The following DOCK8 variants were observed in gnomAD, a reference collection of about 807,000 sequenced individuals.
DOCK8 encodes the protein dedicator of cytokinesis protein 8.
A neutral mutation model predicts 245.6 loss-of-function variants in DOCK8; 141 were observed. The observed-to-expected ratio is 0.57, with a 90% CI of 0.50 to 0.66. DOCK8 has a LOEUF of 0.66. Among genes scored for constraint, DOCK8 ranks in the 30% least tolerant of loss-of-function variants. DOCK8 has a pLI of 0.00. For synonymous variants in DOCK8, 1,168 were observed against 970.2 expected, an observed-to-expected ratio of 1.20 and a Z score of -3.79; for missense variants, 2,965 against 2,603.4, an observed-to-expected ratio of 1.14 and a Z score of -3.02.
At chr9:425,698 A>G (rs2056470806) in intron 33 of DOCK8, among the ~76,000 whole-genome samples, 1 of 150,222 alleles carries the variant, frequency 6.7e-6, no homozygotes, top group Non-Finnish European at 1.5e-5. Context: ...TCGAGGCTTC[A>G]GTGAGCTATG....
intron 9 of DOCK8, among the ~76,000 whole-genome samples, chr9:329,692 G>C (rs2050921084): frequency 6.6e-6 from 1 of 152,200 alleles, no homozygotes; most frequent in Admixed American, 6.5e-5. Flanking sequence ...AACTGAAGAA[G>C]CCAACACTAG....
intron 36 of DOCK8, 24 bp downstream of exon 36, chr9:429,878 G>T: frequency 6.2e-7 from 1 of 1,613,382 alleles, no homozygotes. Context: ...CCAGCTGAGT[G>T]ACCTGGAATC....
chr9:244,697 T>G lies in DOCK8; in HGVS notation c.54-26930T>G, dbSNP rs551778299. On this transcript the variant is annotated intron_variant, in intron 1 of 47. Transcript: ENST00000432829. ...GAATGTGGCCAAACCTATTCAGGTC[T>G]GCATGGTTCCTCCCTAGAGTTCCAT... 6.1e-4 allele frequency among the ~76,000 whole-genome samples: 93 copies of G among 152,320 alleles called. 1 individual carries two copies. The highest frequency in any genetic ancestry group is 1.1e-3 in the Non-Finnish European group (73 of 68,044).
chr9:331,574 A>C (rs1336226993), intron 9 of DOCK8, among the ~76,000 whole-genome samples: 1 of 152,250 alleles, frequency 6.6e-6, no homozygotes, highest in Admixed American at 6.5e-5. Flanking sequence ...TGATGGGACT[A>C]AATCCACTGG....
upstream of DOCK8, chr9:214,736 C>G: frequency 6.6e-7 from 1 of 1,520,534 alleles, no homozygotes; most frequent in Non-Finnish European, 8.8e-7. Context: ...GGCCCACGCC[C>G]TCCTCGCCCG....
intron 7 of DOCK8, among the ~76,000 whole-genome samples, chr9:323,594 C>T (rs2050621506): frequency 6.6e-6 from 1 of 152,166 alleles, no homozygotes; most frequent in South Asian, 2.1e-4. Flanking sequence ...GCAACCATCA[C>T]CACCATCCAT....
At chr9:313,252 AAAG>A (rs1378419049) in intron 6 of DOCK8, among the ~76,000 whole-genome samples, 1 of 152,234 alleles carries the variant, frequency 6.6e-6, no homozygotes, top group African/African-American at 2.4e-5. Flanking sequence ...ATCTTCCGAG[AAAG>A]AAGAAGCACG....
chr9:242,068 G>A (rs1481782268), intron 1 of DOCK8, among the ~76,000 whole-genome samples: 1 of 152,176 alleles, frequency 6.6e-6, no homozygotes, highest in Non-Finnish European at 1.5e-5. Flanking sequence ...TAGCTATCTT[G>A]TGTTGGTACA....
At chr9:373,631 G>A (rs978472525) in intron 18 of DOCK8, among the ~76,000 whole-genome samples, 4 of 152,082 alleles carry the variant, frequency 2.6e-5, no homozygotes, top group African/African-American at 4.8e-5. Context: ...AATTTCAACC[G>A]TTCCAGTCAA....
chr9:428,938 G>T (rs1259375873), intron 35 of DOCK8, among the ~76,000 whole-genome samples: 2 of 152,162 alleles, frequency 1.3e-5, no homozygotes, highest in African/African-American at 4.8e-5. Context: ...TTATCCTGGG[G>T]TAACATGCAG....
chr9:334,177 CT>C, intron 10 of DOCK8, 47 bp from the exon 11 acceptor site: 1 of 1,611,524 alleles, frequency 6.2e-7, no homozygotes, highest in Non-Finnish European at 8.5e-7. Context: ...AGGCAGTTGA[CT>C]TGGTGCTGAT....
chr9:382,722 C>T, intron 22 of DOCK8, 37 bp downstream of exon 22: 1 of 1,609,930 alleles, frequency 6.2e-7, no homozygotes, highest in Non-Finnish European at 8.5e-7. Context: ...GGGACACAGG[C>T]TTTTTTATTT....
rs188804156 is a variant in DOCK8 at position 420,901 on chromosome 9, A to G, written c.4024-48A>G. Reference sequence around the variant, plus strand: ...ACTGTTTTGGTAACTCTCCCCATCAACGGAGATCTCACCAAAGGACATGTC... The same window carrying G: ...ACTGTTTTGGTAACTCTCCCCATCAGCGGAGATCTCACCAAAGGACATGTC... On this transcript the variant is annotated intron_variant, in intron 31 of 47. Transcript: ENST00000432829. 269 of 1,611,846 alleles carry G rather than the reference A, an allele frequency of 1.7e-4. No individual in the cohort carries two copies. The Admixed American group carries it at 4.4e-3, about 26-fold the overall frequency.
At chr9:291,252 T>C (rs935517482) in intron 4 of DOCK8, among the ~76,000 whole-genome samples, 1 of 152,204 alleles carries the variant, frequency 6.6e-6, no homozygotes, top group Non-Finnish European at 1.5e-5. Flanking sequence ...CAATGCACGC[T>C]TCTTGGAGTA....
intron 20 of DOCK8, 38 bp from the exon 21 acceptor site, chr9:379,733 C>T: frequency 1.2e-6 from 2 of 1,612,626 alleles, no homozygotes; most frequent in East Asian, 4.5e-5. Context: ...CCTTAAGGAC[C>T]AGCTGTGGGA....
In DOCK8 at chr9:428,480, G is replaced by C; in HGVS notation, c.4457G>C (p.Arg1486Pro). ...CTGACTCACTGCTTTGCAACACTCC[G>C]TGCTCTCATCGCCAAGGTAAACTTG... ...TYLTHCFATL[R>P]ALIAKFGDLL... The change falls in exon 35 of 48, where the codon CGT (arginine) becomes CCT (proline). Residue 1486 changes from arginine to proline, a missense_variant. Physicochemically the swap from Arg to Pro is moderately radical, Grantham distance 103 (BLOSUM62 -2). Transcript: ENST00000432829. 1 of 1,614,118 alleles carries C rather than the reference G, an allele frequency of 6.2e-7. No homozygotes were observed.
chr9:399,286 C>A (rs372711282), intron 26 of DOCK8, 27 bp downstream of exon 26: 1 of 1,499,186 alleles, frequency 6.7e-7, no homozygotes, highest in Non-Finnish European at 9.1e-7. Flanking sequence ...CCCCCACCCC[C>A]GAGCGAGCCA....
chr9:389,999 G>A (rs2054117410), intron 23 of DOCK8, among the ~76,000 whole-genome samples: 1 of 151,750 alleles, frequency 6.6e-6, no homozygotes, highest in South Asian at 2.1e-4. Flanking sequence ...CAGCCTGGGC[G>A]ACAGAGTGCA....
At chr9:249,664 G>T (rs2047601368) in intron 1 of DOCK8, among the ~76,000 whole-genome samples, 1 of 151,854 alleles carries the variant, frequency 6.6e-6, no homozygotes. Flanking sequence ...GCCCAGGCTG[G>T]AGTGGTGCAG....
Sources: allele counts gnomAD v4.1 joint callset (sites outside exome capture counted in the v4.1 genomes callset), GRCh38; gene constraint gnomAD v4.1.1; transcripts MANE v1.5; gene names NCBI Gene and HGNC (gene_info 2026-07-23, HGNC 2026-07-21).